Variants in NME7 observed in about 807,000 individuals in gnomAD.
NME7 encodes the protein NME/NM23 family member 7.
NME7 carries 41 observed loss-of-function variants against 49.1 expected under a neutral mutation model. The ratio of observed to expected loss-of-function variants is 0.83; its 90% CI spans 0.65 to 1.08. The LOEUF (loss-of-function observed/expected upper bound fraction) is 1.08, where lower values mean the gene tolerates loss of function less well. Ranked by LOEUF, NME7 falls within the 50% of genes least tolerant of loss-of-function variation. The probability of loss-of-function intolerance (pLI) is 0.00; values close to 1 mark genes in which losing one functional copy is unlikely to be tolerated. For missense variants in NME7, 423 were observed against 463.4 expected, an observed-to-expected ratio of 0.91 and a Z score of 0.80; for synonymous variants, 139 against 150.6, an observed-to-expected ratio of 0.92 and a Z score of 0.56.
intron 10 of NME7, among the ~76,000 whole-genome samples, chr1:169,195,659 T>G (rs1233088523): frequency 6.6e-6 from 1 of 152,204 alleles, no homozygotes; most frequent in Non-Finnish European, 1.5e-5. Context: ...TAACTGGATA[T>G]AGCAGTCATA....
At chr1:169,323,892 AGGACAGGCAGGAGTGCAGTGGC>A (rs1344291423) in intron 2 of NME7, among the ~76,000 whole-genome samples, 2 of 128,436 alleles carry the variant, frequency 1.6e-5, no homozygotes, top group Non-Finnish European at 3.1e-5. Context: ...TCGCCCAGGC[AGGACAGGCAGGAGTGCAGTGGC>A]GTGATCTCAG....
chr1:169,173,158 A>G (rs12120493), intron 10 of NME7, among the ~76,000 whole-genome samples: 56,420 of 152,062 alleles, frequency 0.37, 11,043 homozygotes, highest in East Asian at 0.73. Flanking sequence ...TAACCTCTCT[A>G]TGCCTGCTTT....
chr1:169,133,282 T>TAAAG lies in NME7; in HGVS notation c.1099-469_1099-466dup, dbSNP rs1264679873. Among the ~76,000 whole-genome samples the TAAAG allele has an allele frequency of 3.3e-5, 5 of 152,358 alleles. No individual in the cohort carries two copies. The South Asian group carries it at 8.3e-4, about 25-fold the overall frequency. On this transcript the variant is annotated intron_variant, in intron 11 of 11. Transcript: ENST00000367811. ...AAAAACATTTTCCAGCTATAATTAT[T>TAAAG]AAAGATTTAGTATCACTTAACTAAC... is the stretch of plus-strand genomic sequence containing the variant.
intron 8 of NME7, among the ~76,000 whole-genome samples, chr1:169,235,690 GTTCAGAC>G: frequency 6.6e-6 from 1 of 152,200 alleles, no homozygotes; most frequent in South Asian, 2.1e-4. Context: ...AAGAAAAGTA[GTTCAGAC>G]TTTTAGAGGA....
chr1:169,245,585 G>T (rs1303742617), intron 7 of NME7, among the ~76,000 whole-genome samples: 1 of 152,200 alleles, frequency 6.6e-6, no homozygotes, highest in Non-Finnish European at 1.5e-5. Flanking sequence ...AAGAGTACAC[G>T]AACTAATAAA....
intron 8 of NME7, among the ~76,000 whole-genome samples, chr1:169,237,142 T>C (rs1019406488): frequency 2.0e-5 from 3 of 152,120 alleles, no homozygotes; most frequent in South Asian, 2.1e-4. Flanking sequence ...ACAGAGTTGC[T>C]AGAATACACT....
At chr1:169,136,821 C>G (rs1658447517) in intron 11 of NME7, among the ~76,000 whole-genome samples, 2 of 152,120 alleles carry the variant, frequency 1.3e-5, no homozygotes, top group African/African-American at 4.8e-5. Flanking sequence ...TTCCCAATAG[C>G]TTTGTGAAGC....
At chr1:169,262,456 T>TG (rs1364145354) in intron 7 of NME7, among the ~76,000 whole-genome samples, 1 of 134,344 alleles carries the variant, frequency 7.4e-6, no homozygotes, top group African/African-American at 2.5e-5. Context: ...TTTGGATATC[T>TG]GGGGGCAGGG....
chr1:169,224,697 G>A (rs1647246173), intron 10 of NME7, among the ~76,000 whole-genome samples: 1 of 151,994 alleles, frequency 6.6e-6, no homozygotes, highest in Non-Finnish European at 1.5e-5. Flanking sequence ...CATTTGTCCA[G>A]TACATGACTC....
intron 11 of NME7, among the ~76,000 whole-genome samples, chr1:169,162,398 A>G (rs1263439706): frequency 1.4e-5 from 2 of 142,822 alleles, no homozygotes; most frequent in Admixed American, 6.9e-5. Flanking sequence ...GAACATTTAG[A>G]AAAAAAAAAA....
chr1:169,251,868 T>C (rs1282676843), intron 7 of NME7, among the ~76,000 whole-genome samples: 1 of 151,944 alleles, frequency 6.6e-6, no homozygotes, highest in East Asian at 1.9e-4. Flanking sequence ...GTTTCATCCA[T>C]GTCCCTACAA....
At chr1:169,232,912 C>CTTTTTTTTTTTTTTTTTT (rs10545228) in intron 9 of NME7, among the ~76,000 whole-genome samples, 18 of 74,526 alleles carry the variant, frequency 2.4e-4, no homozygotes, top group South Asian at 5.7e-4. Context: ...GTTTTCTTTT[C>CTTTTTTTTTTTTTTTTTT]TTTTTTTTTT....
chr1:169,191,535 T>G (rs1660230871), intron 10 of NME7, among the ~76,000 whole-genome samples: 1 of 152,198 alleles, frequency 6.6e-6, no homozygotes. Flanking sequence ...AAAGTTTGTA[T>G]TATTTACGTG....
chr1:169,148,649 C>T (rs963607890), intron 11 of NME7, among the ~76,000 whole-genome samples: 1 of 152,144 alleles, frequency 6.6e-6, no homozygotes, highest in Non-Finnish European at 1.5e-5. Context: ...AAAAATGAGG[C>T]AGGGAGCAGA....
At chr1:169,148,033 C>T (rs148862342) in intron 11 of NME7, among the ~76,000 whole-genome samples, 120 of 151,684 alleles carry the variant, frequency 7.9e-4, no homozygotes, top group Non-Finnish European at 1.3e-3. Flanking sequence ...GACAGAGTCT[C>T]GCTCTGTTGC....
intron 1 of NME7, among the ~76,000 whole-genome samples, chr1:169,344,797 G>A (rs77712521): frequency 0.014 from 2,191 of 152,096 alleles, 47 homozygotes; most frequent in African/African-American, 0.048. Flanking sequence ...TCATGATGTT[G>A]GTCTGCAGTT....
chr1:169,339,856 T>C (rs1652619979), intron 1 of NME7, among the ~76,000 whole-genome samples: 1 of 152,226 alleles, frequency 6.6e-6, no homozygotes. Context: ...GAGGCCAAGA[T>C]ATTTATTCTA....
intron 7 of NME7, among the ~76,000 whole-genome samples, chr1:169,254,775 G>A (rs1422912914): frequency 1.1e-4 from 16 of 140,450 alleles, no homozygotes; most frequent in Admixed American, 3.5e-4. Flanking sequence ...CTTTGTTCTC[G>A]TTGGTTTCAA....
At chr1:169,294,582 TC>T (rs1650633639) in intron 6 of NME7, among the ~76,000 whole-genome samples, 1 of 152,166 alleles carries the variant, frequency 6.6e-6, no homozygotes, top group South Asian at 2.1e-4. Context: ...AGACCTGTGG[TC>T]TTTGCTTCTT....
Sources: gnomAD v4.1 joint callset for allele counts (sites outside exome capture counted in the v4.1 genomes callset) on GRCh38, gnomAD v4.1.1 for gene constraint, MANE v1.5 for transcripts, NCBI Gene and HGNC (gene_info 2026-07-23, HGNC 2026-07-21) for gene names.